DDX4: variants seen among roughly 807,000 people sequenced by gnomAD.
DDX4 encodes the protein probable ATP-dependent RNA helicase DDX4.
Under a neutral mutation model 100.0 loss-of-function variants are expected in DDX4, and 25 were observed. That is an observed-to-expected ratio of 0.25 (90% CI 0.18 to 0.35). DDX4 has a LOEUF of 0.35. DDX4 is among the 10% of genes least tolerant of loss of function. The pLI is 1.00. For synonymous variants in DDX4, 259 were observed against 275.7 expected (o/e 0.94, Z 0.60); for missense variants, 635 against 882.4 (o/e 0.72, Z 3.55).
chr5:55,753,738 A>C (rs1282028122), intron 3 of DDX4, among the ~76,000 whole-genome samples: 107 of 133,348 alleles, frequency 8.0e-4, no homozygotes, highest in African/African-American at 3.0e-3. Flanking sequence ...TGGGGATGGC[A>C]TTGAATCTGT....
Position 55,788,118 on chromosome 5 carries a change from A to AT in DDX4, c.1172+125dup, listed in dbSNP as rs370382287. The AT allele has an allele frequency of 8.5e-4, 721 of 850,490 alleles. 5 individuals carry two copies. In the African/African-American group the frequency reaches 0.011, roughly 13 times the overall value. 52.7% of individuals were successfully genotyped at this position (850,490 alleles called of 1,614,324 possible). ...TGTAATTTTTAGCATTACTTAAAGT[A>AT]TTTTTTTATTATCTTGTTTATGGAA... On this transcript the variant is annotated intron_variant, in intron 15 of 21. Coordinates refer to ENST00000505374, the MANE Select transcript of DDX4 (RefSeq NM_024415.3).
intron 7 of DDX4, among the ~76,000 whole-genome samples, chr5:55,770,687 A>G (rs929766877): frequency 1.3e-4 from 20 of 152,150 alleles, no homozygotes; most frequent in Admixed American, 1.3e-3. Flanking sequence ...TCCCTAGTGA[A>G]GGTAGGACTT....
chr5:55,815,218 G>A, intron 20 of DDX4, 47 bp downstream of exon 20: 2 of 1,601,926 alleles, frequency 1.2e-6, no homozygotes, highest in African/African-American at 1.3e-5. Context: ...TTACTTTGTT[G>A]TTGAAAGTAG....
chr5:55,780,814 G>A (rs1741866267), intron 8 of DDX4, among the ~76,000 whole-genome samples: 1 of 152,182 alleles, frequency 6.6e-6, no homozygotes, highest in South Asian at 2.1e-4. Context: ...ACATTTTGAG[G>A]AAGTAATTTA....
chr5:55,763,503 T>G (rs1740693935), intron 5 of DDX4, among the ~76,000 whole-genome samples: 1 of 152,166 alleles, frequency 6.6e-6, no homozygotes, highest in South Asian at 2.1e-4. Flanking sequence ...GATGCATAAC[T>G]CTTAGACATA....
chr5:55,807,952 C>A (rs1037321922), intron 18 of DDX4, among the ~76,000 whole-genome samples: 1 of 152,234 alleles, frequency 6.6e-6, no homozygotes. Flanking sequence ...CTTTCAGGTA[C>A]ACCAATCAGA....
intron 6 of DDX4, among the ~76,000 whole-genome samples, chr5:55,765,652 T>C (rs552439939): frequency 1.9e-4 from 29 of 152,054 alleles, no homozygotes; most frequent in African/African-American, 7.0e-4. Flanking sequence ...CTGGCAATTG[T>C]ATTATCTTGA....
chr5:55,795,255 G>A (rs1742860288), intron 17 of DDX4, among the ~76,000 whole-genome samples: 2 of 152,120 alleles, frequency 1.3e-5, no homozygotes, highest in South Asian at 4.1e-4. Flanking sequence ...GTGAGCCACC[G>A]CACCCGGCCC....
At chr5:55,743,163 G>C (rs1759074398) in intron 2 of DDX4, among the ~76,000 whole-genome samples, 1 of 152,162 alleles carries the variant, frequency 6.6e-6, no homozygotes, top group East Asian at 1.9e-4. Context: ...CAAGGTGTCA[G>C]CAGCGCTGCC....
intron 3 of DDX4, among the ~76,000 whole-genome samples, chr5:55,752,340 C>G (rs1264422620): frequency 2.0e-4 from 25 of 123,070 alleles, no homozygotes; most frequent in Admixed American, 1.2e-3. Flanking sequence ...CCCCTCCCCC[C>G]ACCCCACAAC....
At position 55,814,925 on chromosome 5, in the gene DDX4, G is replaced by A. The variant is rs1471405908; in HGVS notation, c.1740G>A (p.Glu580=). ...IHGDREQRER[E]QALGDFRFGK... ...GTGATCGGGAACAGAGAGAGCGGGAGCAAGCTCTTGGAGATTTTCGCTTTG... is the reference window on the plus strand; with the variant it reads ...GTGATCGGGAACAGAGAGAGCGGGAACAAGCTCTTGGAGATTTTCGCTTTG... The change falls in exon 20 of 22, where the codon GAG becomes GAA. Residue 580 remains glutamate, a synonymous_variant. Coordinates refer to ENST00000505374, the MANE Select transcript of DDX4 (RefSeq NM_024415.3). 1.2e-6 allele frequency: 2 copies of A among 1,614,104 alleles called. No homozygotes were observed. The highest frequency in any genetic ancestry group is 1.7e-5 in the Admixed American group (1 of 60,032).
chr5:55,796,823 C>CTTTTT (rs3990072), intron 17 of DDX4, among the ~76,000 whole-genome samples: 844 of 59,914 alleles, frequency 0.014, 84 homozygotes, highest in Non-Finnish European at 0.019. Context: ...TTCTTTCTTT[C>CTTTTT]TTTTTTTTTT....
At chr5:55,770,530 A>G (rs1232476905) in intron 7 of DDX4, among the ~76,000 whole-genome samples, 1 of 152,238 alleles carries the variant, frequency 6.6e-6, no homozygotes, top group African/African-American at 2.4e-5. Flanking sequence ...TGAACTTACT[A>G]TAAAATTGCT....
At chr5:55,762,914 T>A (rs1013610386) in intron 4 of DDX4, among the ~76,000 whole-genome samples, 49 of 152,266 alleles carry the variant, frequency 3.2e-4, no homozygotes, top group African/African-American at 1.1e-3. Context: ...AGCAGAATTT[T>A]CCTGCTTGAA....
intron 9 of DDX4, 152 bp from the exon 10 acceptor site, chr5:55,781,782 A>T: frequency 1.1e-6 from 1 of 916,878 alleles, no homozygotes; most frequent in East Asian, 2.7e-5. Flanking sequence ...AAAAAAAAAA[A>T]AAAAAAGTTA....
At chr5:55,753,359 G>A (rs895708849) in intron 3 of DDX4, among the ~76,000 whole-genome samples, 1 of 152,170 alleles carries the variant, frequency 6.6e-6, no homozygotes, top group African/African-American at 2.4e-5. Flanking sequence ...TAAGGTGTAA[G>A]GAAGGGATCC....
chr5:55,788,053 T>C, intron 15 of DDX4, 53 bp downstream of exon 15: 1 of 1,504,936 alleles, frequency 6.6e-7, no homozygotes, highest in South Asian at 1.3e-5. Flanking sequence ...AGAGATTTTT[T>C]TCCCCTCACT....
At chr5:55,791,274 C>T (rs1197758638) in intron 16 of DDX4, among the ~76,000 whole-genome samples, 3 of 152,052 alleles carry the variant, frequency 2.0e-5, no homozygotes, top group Non-Finnish European at 2.9e-5. Flanking sequence ...CCTTAATGAA[C>T]CAGATTTGCT....
Position 55,816,447 on chromosome 5 carries a change from T to C in DDX4, c.2098-16T>C. The C allele has an allele frequency of 6.4e-7, 1 of 1,567,228 alleles. No individual in the cohort carries two copies. The highest frequency in any genetic ancestry group is 8.6e-7 in the Non-Finnish European group (1 of 1,156,920). ...GTTTGTTTGTTTCTTTTTTTTTTTT[T>C]TTAAATAATTACCAGGGCAAGAGCA... is the stretch of plus-strand genomic sequence containing the variant. On this transcript the variant is annotated splice_polypyrimidine_tract_variant and intron_variant, in intron 21 of 21. Transcript: ENST00000505374.
Sources: allele counts gnomAD v4.1 joint callset (sites outside exome capture counted in the v4.1 genomes callset), GRCh38; gene constraint gnomAD v4.1.1; transcripts MANE v1.5; gene names NCBI Gene and HGNC (gene_info 2026-07-23, HGNC 2026-07-21).